COX4I1: variants seen among roughly 807,000 people sequenced by gnomAD.
COX4I1 encodes cytochrome c oxidase subunit 4I1.
Under a neutral mutation model 21.7 loss-of-function variants are expected in COX4I1, and 18 were observed. The observed-to-expected ratio is 0.83, with a 90% CI of 0.57 to 1.23. COX4I1 has a LOEUF of 1.23. Ranked by LOEUF, COX4I1 falls within the 50% of genes most tolerant of loss-of-function variation. The pLI, the probability that COX4I1 is intolerant of heterozygous loss-of-function variation, is 0.00. For missense variants in COX4I1, 238 were observed against 220.7 expected (o/e 1.08, Z -0.50); for synonymous variants, 100 against 81.5 (o/e 1.23, Z -1.23).
At chr16:85,802,477 G>A (rs2599079) in intron 2 of COX4I1, among the ~76,000 whole-genome samples, 148,508 of 152,350 alleles carry the variant, frequency 0.97, 72,484 homozygotes, top group Middle Eastern at 1. Context: ...CGAACTGCAG[G>A]CTCTTAGACA....
In COX4I1 at chr16:85,803,638, TAAC is replaced by T. The variant is rs1404508160; in HGVS notation, c.74-1297_74-1295del. 3 of 152,210 alleles carry T rather than the reference TAAC, an allele frequency of 2.0e-5. No homozygotes were observed. In the East Asian group the frequency reaches 5.8e-4, roughly 29 times the overall value. 9.4% of individuals were successfully genotyped at this position (152,210 alleles called of 1,614,324 possible). A position where few individuals can be genotyped will look rare whatever the true frequency, so the allele number is the denominator to read the frequency against. On this transcript the variant is annotated intron_variant, in intron 2 of 4. Coordinates refer to ENST00000253452, the MANE Select transcript of COX4I1 (RefSeq NM_001861.6). ...ACCTGCTGCTTTGAAGGCACTAAAATAACAGAAGCAGATAGAGCAGAAATCCTC... is the reference window on the plus strand; with the variant it reads ...ACCTGCTGCTTTGAAGGCACTAAAATAGAAGCAGATAGAGCAGAAATCCTC...
At chr16:85,800,915 C>T (rs945085003) in intron 1 of COX4I1, among the ~76,000 whole-genome samples, 12 of 152,302 alleles carry the variant, frequency 7.9e-5, no homozygotes, top group Admixed American at 3.9e-4. Flanking sequence ...TGAGCCACCG[C>T]GCCCGGCCTC....
In COX4I1 at chr16:85,807,052, C is replaced by CA. The variant is rs1906272180; in HGVS notation, c.*180dup. 1 of 658,804 alleles carries CA rather than the reference C, an allele frequency of 1.5e-6. No individual in the cohort carries two copies. Among genetic ancestry groups the CA allele is most frequent in the Non-Finnish European group, 2.5e-6 (1 of 399,604 alleles). The allele number at this position is 658,804 out of a possible 1,614,324, so 40.8% of individuals were successfully genotyped here. A position where few individuals can be genotyped will look rare whatever the true frequency, so the allele number is the denominator to read the frequency against. ...ATACCTAAATGAAAGCTAATTAAAA[C>CA]AATAGGTTTCTCCCAAGGGTCTGGA... On this transcript the variant is annotated 3_prime_UTR_variant, in exon 5 of 5. Coordinates refer to ENST00000253452, the MANE Select transcript of COX4I1 (RefSeq NM_001861.6).
chr16:85,803,864 G>C (rs559205038), intron 2 of COX4I1: 1 of 152,280 alleles, frequency 6.6e-6, no homozygotes, highest in Non-Finnish European at 1.5e-5. Context: ...TCCTGTGGAC[G>C]TTGCCCCTTG....
intron 2 of COX4I1, among the ~76,000 whole-genome samples, chr16:85,801,578 G>A (rs952056621): frequency 6.6e-6 from 1 of 151,992 alleles, no homozygotes; most frequent in African/African-American, 2.4e-5. Context: ...ATAACTGACT[G>A]ACCTTAATGA....
chr16:85,801,810 T>G (rs79337262), intron 2 of COX4I1, among the ~76,000 whole-genome samples: 1 of 152,192 alleles, frequency 6.6e-6, no homozygotes, highest in Non-Finnish European at 1.5e-5. Flanking sequence ...CATTTACTTT[T>G]GCATGTATCT....
In COX4I1 at chr16:85,806,822, T is replaced by C; in HGVS notation, c.458T>C (p.Ile153Thr). The C allele has an allele frequency of 6.2e-7, 1 of 1,614,182 alleles. No homozygotes were observed. The highest frequency in any genetic ancestry group is 8.5e-7 in the Non-Finnish European group (1 of 1,180,032). ...KRMLDMKVNPIQGLASKWDYE... is the reference protein window; with the variant it reads ...KRMLDMKVNPTQGLASKWDYE... The stretch of plus-strand genomic sequence containing the variant: ...ATGCTGGACATGAAGGTGAACCCCA[T>C]CCAGGGCTTAGCCTCCAAGTGGGAC... Residue 153 changes from isoleucine to threonine, a missense_variant, in exon 5 of 5, where the codon ATC (isoleucine) becomes ACC (threonine). Transcript: ENST00000253452.
At chr16:85,802,312 T>G (rs1905830010) in intron 2 of COX4I1, among the ~76,000 whole-genome samples, 1 of 152,234 alleles carries the variant, frequency 6.6e-6, no homozygotes, top group South Asian at 2.1e-4. Context: ...CACCTCACCT[T>G]GCTGTGCTTT....
rs773766728 is a variant in COX4I1 at position 85,805,892 on chromosome 16, C to T, written c.373+28C>T. 3.0e-5 allele frequency: 48 copies of T among 1,613,140 alleles called. No homozygotes were observed. The South Asian group carries it at 3.3e-4, about 11-fold the overall frequency. On this transcript the variant is annotated intron_variant, in intron 4 of 4. Coordinates refer to ENST00000253452, the MANE Select transcript of COX4I1 (RefSeq NM_001861.6). The stretch of plus-strand genomic sequence containing the variant: ...GAGTAGAGAGGGAGGAAGGCATGGG[C>T]GCCTGGACTGGGGCTCCAGCCTGCA...
At chr16:85,803,691 T>C (rs1167663758) in intron 2 of COX4I1, 1 of 152,256 alleles carries the variant, frequency 6.6e-6, no homozygotes, top group African/African-American at 2.4e-5. Flanking sequence ...CCTTCCTACC[T>C]GTATAACAGT....
intron 2 of COX4I1, 182 bp from the exon 3 acceptor site, chr16:85,804,752 TGAG>T: frequency 1.8e-6 from 1 of 551,332 alleles, no homozygotes; most frequent in South Asian, 2.4e-5. Context: ...TTGGCTGTGA[TGAG>T]AAGTGCTTCT....
At chr16:85,806,102 T>G (rs2599093) in intron 4 of COX4I1, 5 of 607,916 alleles carry the variant, frequency 8.2e-6, no homozygotes, top group South Asian at 6.1e-5. Context: ...GTGAAATACC[T>G]TAACTACTTT....
rs2152084550 is a variant in COX4I1 at position 85,806,290 on chromosome 16, G to A, written c.373+426G>A. ...TGGGGGTCCCGACCTGATAGTTTGT[G>A]TGTGGGCATTGCCGGGTTGCTCGCT... On this transcript the variant is annotated intron_variant, in intron 4 of 4. Transcript: ENST00000253452. 5 of 606,410 alleles carry A rather than the reference G, an allele frequency of 8.2e-6. No homozygotes were observed. The South Asian group carries it at 1.0e-4, about 12-fold the overall frequency. 37.6% of individuals were successfully genotyped at this position (606,410 alleles called of 1,614,324 possible).
chr16:85,804,744 G>T, intron 2 of COX4I1, 193 bp from the exon 3 acceptor site: 1 of 518,156 alleles, frequency 1.9e-6, no homozygotes, highest in Non-Finnish European at 3.3e-6. Flanking sequence ...GGTTTTTGTT[G>T]GCTGTGATGA....
At chr16:85,800,436 A>G (rs971470434) in intron 1 of COX4I1, among the ~76,000 whole-genome samples, 1 of 151,990 alleles carries the variant, frequency 6.6e-6, no homozygotes, top group Admixed American at 6.5e-5. Flanking sequence ...GCCTTCTCCA[A>G]TTTCCCCTTC....
intron 1 of COX4I1, 56 bp from the exon 2 acceptor site, chr16:85,801,149 T>A: frequency 1.4e-6 from 2 of 1,456,208 alleles, no homozygotes; most frequent in Non-Finnish European, 1.9e-6. Context: ...AAAAGAAGAC[T>A]AATTCCTTGC....
intron 4 of COX4I1, 125 bp downstream of exon 4, chr16:85,805,989 A>C: frequency 1.5e-5 from 21 of 1,361,458 alleles, no homozygotes; most frequent in Non-Finnish European, 2.1e-5. Flanking sequence ...TCCAGAGTTC[A>C]TCTCAGGATT....
At chr16:85,801,433 A>G (rs1053277952) in intron 2 of COX4I1, among the ~76,000 whole-genome samples, 155 bp downstream of exon 2, 1 of 152,142 alleles carries the variant, frequency 6.6e-6, no homozygotes, top group African/African-American at 2.4e-5. Flanking sequence ...TTGGTTCTAG[A>G]TTAAGAAGTG....
intron 4 of COX4I1, 72 bp downstream of exon 4, chr16:85,805,936 T>TG (rs2152084408): frequency 1.3e-6 from 2 of 1,596,470 alleles, no homozygotes; most frequent in East Asian, 4.5e-5. Context: ...TGGTGGGCTG[T>TG]CGGGGACCTC....
Sources: gnomAD v4.1 joint callset for allele counts (sites outside exome capture counted in the v4.1 genomes callset) on GRCh38, gnomAD v4.1.1 for gene constraint, MANE v1.5 for transcripts, NCBI Gene and HGNC (gene_info 2026-07-23, HGNC 2026-07-21) for gene names.